The following DHX8 variants were observed in gnomAD, a reference collection of about 807,000 sequenced individuals.
The protein encoded by DHX8 is DEAH-box helicase 8.
Under a neutral mutation model 140.7 loss-of-function variants are expected in DHX8, and 67 were observed. The observed-to-expected ratio is 0.48, with a 90% CI of 0.39 to 0.58. The LOEUF (loss-of-function observed/expected upper bound fraction) is 0.58. DHX8 is among the 20% of genes least tolerant of loss of function. The pLI, the probability that DHX8 is intolerant of heterozygous loss-of-function variation, is 0.00. For missense variants in DHX8, 887 were observed against 1,550.7 expected (o/e 0.57, Z 7.19); for synonymous variants, 533 against 553.2 (o/e 0.96, Z 0.51).
intron 3 of DHX8, among the ~76,000 whole-genome samples, chr17:43,539,264 C>T (rs1002561093): frequency 5.3e-5 from 8 of 152,190 alleles, no homozygotes; most frequent in Admixed American, 5.2e-4. Flanking sequence ...CTTTCTAGCC[C>T]TCAAAGCTGC....
In DHX8 at chr17:43,523,991, T is replaced by C; in HGVS notation, c.*144T>C. 6.9e-7 allele frequency: 1 copy of C among 1,448,606 alleles called. No individual in the cohort carries two copies. The highest frequency in any genetic ancestry group is 1.5e-5 in the South Asian group (1 of 68,274). The allele number at this position is 1,448,606 out of a possible 1,614,324, so 89.7% of individuals were successfully genotyped here. A position where few individuals can be genotyped will look rare whatever the true frequency, so the allele number is the denominator to read the frequency against. ...CTCAACTCGACTCTCATTTCTTCCC[T>C]GCTGGTAAAATAGAAACAGGGATTT... On this transcript the variant is annotated 3_prime_UTR_variant, in exon 23 of 23. Coordinates refer to ENST00000262415, the MANE Select transcript of DHX8 (RefSeq NM_004941.3).
intron 17 of DHX8, among the ~76,000 whole-genome samples, chr17:43,515,887 T>G (rs1002645900): frequency 6.6e-6 from 1 of 152,208 alleles, no homozygotes; most frequent in Non-Finnish European, 1.5e-5. Context: ...ATCCTGGTAC[T>G]GTTTGTAACA....
At chr17:43,504,581 T>A (rs1969387079) in intron 11 of DHX8, 63 bp from the exon 12 acceptor site, 1 of 1,513,792 alleles carries the variant, frequency 6.6e-7, no homozygotes, top group Admixed American at 2.2e-5. Context: ...CCATTTTATT[T>A]TTTTCCTGGT....
chr17:43,529,766 C>A (rs370999511), downstream of DHX8: 13 of 1,592,888 alleles, frequency 8.2e-6, no homozygotes, highest in East Asian at 2.9e-4. Context: ...TCGAAGGGGT[C>A]TCCCCAGGTA....
At chr17:43,523,606 T>A (rs762518111) in intron 22 of DHX8, 22 bp from the exon 23 acceptor site, 2 of 1,613,316 alleles carry the variant, frequency 1.2e-6, no homozygotes, top group Non-Finnish European at 8.5e-7. Context: ...GAGGCTTGAG[T>A]ACTATCTCTG....
intron 13 of DHX8, 116 bp downstream of exon 13, chr17:43,507,313 G>C: frequency 8.0e-7 from 1 of 1,249,452 alleles, no homozygotes; most frequent in Middle Eastern, 2.8e-4. Context: ...CTGAGGGAGA[G>C]AGGGTTCCCA....
At chr17:43,526,634 C>T, downstream of DHX8, 6 of 1,533,628 alleles carry the variant, frequency 3.9e-6, no homozygotes, top group Non-Finnish European at 4.4e-6. Context: ...ATCATCTCAG[C>T]TTGTGGAGAC....
chr17:43,492,842 A>G lies in DHX8; in HGVS notation c.665A>G (p.Tyr222Cys). 1 of 1,614,138 alleles carries G rather than the reference A, an allele frequency of 6.2e-7. No individual in the cohort carries two copies. The highest frequency in any genetic ancestry group is 2.2e-5 in the East Asian group (1 of 44,878). Residue 222 changes from tyrosine to cysteine, a missense_variant, in exon 6 of 23, where the codon TAT becomes TGT. This residue lies in a region of DHX8 where 304 missense variants were observed against 306.9 expected (regional missense o/e 0.99). Coordinates refer to ENST00000262415, the MANE Select transcript of DHX8 (RefSeq NM_004941.3). ...GAGAGGAATAAAGTGAAGTCTAGAT[A>G]TCGGTCCAGGAGCAGGAGTCAGAGT... The part of the protein sequence containing the change: ...TRERNKVKSR[Y>C]RSRSRSQSPP...
In DHX8 at chr17:43,524,763, C is replaced by G. The variant is rs1970548555; in HGVS notation, c.*916C>G. 2 of 985,284 alleles carry G rather than the reference C, an allele frequency of 2.0e-6. No individual in the cohort carries two copies. The highest frequency in any genetic ancestry group is 2.4e-6 in the Non-Finnish European group (2 of 829,944). 61.0% of individuals were successfully genotyped at this position (985,284 alleles called of 1,614,324 possible). A position where few individuals can be genotyped will look rare whatever the true frequency, so the allele number is the denominator to read the frequency against. The stretch of plus-strand genomic sequence containing the variant: ...TTTTTCCCCTGAGGTCCTGGATGGA[C>G]TTTAACAAAGGGATTTTATGGTCAA... On this transcript the variant is annotated 3_prime_UTR_variant, in exon 23 of 23. Transcript: ENST00000262415.
intron 11 of DHX8, among the ~76,000 whole-genome samples, chr17:43,503,139 G>GA (rs1969293865): frequency 6.6e-6 from 1 of 151,952 alleles, no homozygotes; most frequent in Non-Finnish European, 1.5e-5. Flanking sequence ...GAGGCAGACA[G>GA]ATCACTTGAG....
At chr17:43,512,922 A>G (rs1969924731) in intron 16 of DHX8, among the ~76,000 whole-genome samples, 1 of 152,110 alleles carries the variant, frequency 6.6e-6, no homozygotes, top group Admixed American at 6.6e-5. Flanking sequence ...ATATTCCGCA[A>G]AATACAAGCA....
At chr17:43,504,290 C>T (rs1314484822) in intron 11 of DHX8, among the ~76,000 whole-genome samples, 4 of 149,980 alleles carry the variant, frequency 2.7e-5, no homozygotes, top group East Asian at 2.0e-4. Context: ...CCCAGAAGGT[C>T]GGGGCTGCAG....
intron 12 of DHX8, among the ~76,000 whole-genome samples, chr17:43,505,739 A>G (rs1019187318): frequency 3.3e-5 from 5 of 152,092 alleles, no homozygotes; most frequent in Non-Finnish European, 7.4e-5. Flanking sequence ...ATAAACTCAT[A>G]TGGGCAACTC....
At chr17:43,508,914 C>T (rs186738199) in intron 16 of DHX8, among the ~76,000 whole-genome samples, 106 of 152,144 alleles carry the variant, frequency 7.0e-4, no homozygotes, top group African/African-American at 2.4e-3. Context: ...CCACCGCGCC[C>T]GGCCAGGTGT....
rs1034858110 is a variant in DHX8 at position 43,533,085 on chromosome 17, C to A, written c.351-3327C>A. 6.0e-6 allele frequency: 9 copies of A among 1,512,312 alleles called. No homozygotes were observed. The East Asian group carries it at 1.6e-4, about 27-fold the overall frequency. The allele number at this position is 1,512,312 out of a possible 1,614,324, so 93.7% of individuals were successfully genotyped here. A position where few individuals can be genotyped will look rare whatever the true frequency, so the allele number is the denominator to read the frequency against. On this transcript the variant is annotated intron_variant, in intron 2 of 3. Coordinates refer to the DHX8 transcript ENST00000589898. ...GTATTTCTCCCTTTCTATTCCACTGCCCCCTGCCTCTACCACCCCACAGCT... is the reference window on the plus strand; with the variant it reads ...GTATTTCTCCCTTTCTATTCCACTGACCCCTGCCTCTACCACCCCACAGCT...
At chr17:43,487,604 A>T (rs1021934357) in intron 1 of DHX8, among the ~76,000 whole-genome samples, 1 of 152,108 alleles carries the variant, frequency 6.6e-6, no homozygotes, top group Non-Finnish European at 1.5e-5. Context: ...TCTGCCCACC[A>T]CAACCTCCCA....
In DHX8 at chr17:43,520,210, G is replaced by C; in HGVS notation, c.2880G>C (p.Gln960His). ...AAACTTTGATCACAGCCATGGAGCA[G>C]CTGTACACACTGGGGGCCCTGGATG... ...PMETLITAME[Q>H]LYTLGALDDE... The change falls in exon 19 of 23, where the codon CAG becomes CAC. Residue 960 changes from glutamine to histidine, a missense_variant. This residue lies in a region of DHX8 where 151 missense variants were observed against 388.3 expected (regional missense o/e 0.39). Transcript: ENST00000262415. 6.2e-7 allele frequency: 1 copy of C among 1,614,144 alleles called. No homozygotes were observed. Among genetic ancestry groups the C allele is most frequent in the Non-Finnish European group, 8.5e-7 (1 of 1,180,028 alleles).
intron 18 of DHX8, 51 bp downstream of exon 18, chr17:43,517,373 G>A (rs752123263): frequency 6.4e-7 from 1 of 1,564,198 alleles, no homozygotes; most frequent in African/African-American, 1.4e-5. Flanking sequence ...TCCAATCCTG[G>A]CCTTCATAAA....
intron 11 of DHX8, among the ~76,000 whole-genome samples, chr17:43,502,811 G>A (rs546026874): frequency 2.0e-5 from 3 of 152,194 alleles, no homozygotes; most frequent in South Asian, 4.2e-4. Context: ...GGACATATTC[G>A]TTCATTGTTT....
Sources: allele counts gnomAD v4.1 joint callset (sites outside exome capture counted in the v4.1 genomes callset), GRCh38; gene constraint gnomAD v4.1.1; regional missense constraint gnomAD v4.1.1; transcripts MANE v1.5; gene names NCBI Gene and HGNC (gene_info 2026-07-23, HGNC 2026-07-21).